The following DCP1B variants were observed in gnomAD, a reference collection of about 807,000 sequenced individuals.
DCP1B encodes the protein mRNA-decapping enzyme 1B.
In DCP1B, 47 loss-of-function variants were observed where a neutral mutation model predicts 60.5. The ratio of observed to expected loss-of-function variants is 0.78; its 90% CI spans 0.61 to 0.99. DCP1B has a LOEUF of 0.99. Among genes scored for constraint, DCP1B ranks in the 50% least tolerant of loss-of-function variants. The pLI is 0.00. For missense variants in DCP1B, 725 were observed against 756.8 expected, an observed-to-expected ratio of 0.96 and a Z score of 0.49; for synonymous variants, 267 against 280.3, an observed-to-expected ratio of 0.95 and a Z score of 0.47.
At chr12:1,950,290 C>G in intron 7 of DCP1B, 1 of 702,120 alleles carries the variant, frequency 1.4e-6, no homozygotes. Flanking sequence ...AGCAGTGATG[C>G]TCCCGGAGGT....
At chr12:1,983,136 TC>T (rs1290442772) in intron 3 of DCP1B, among the ~76,000 whole-genome samples, 8 of 152,100 alleles carry the variant, frequency 5.3e-5, no homozygotes, top group East Asian at 1.9e-4. Context: ...TTTTTTTTTT[TC>T]CTTCATCAGT....
At chr12:2,004,242 C>G in intron 1 of DCP1B, 40 bp downstream of exon 1, 2 of 1,610,604 alleles carry the variant, frequency 1.2e-6, no homozygotes, top group African/African-American at 1.3e-5. Flanking sequence ...CGCCTCCACC[C>G]CAACCCTGGG....
chr12:1,968,965 G>C (rs941998332), intron 3 of DCP1B, among the ~76,000 whole-genome samples: 1 of 152,084 alleles, frequency 6.6e-6, no homozygotes, highest in Non-Finnish European at 1.5e-5. Flanking sequence ...AGCTCCAGAA[G>C]ACATTTATAA....
intron 3 of DCP1B, among the ~76,000 whole-genome samples, chr12:1,972,058 A>C (rs1259423841): frequency 6.6e-6 from 1 of 152,226 alleles, no homozygotes; most frequent in Non-Finnish European, 1.5e-5. Flanking sequence ...ATATAACTTC[A>C]CTAATTCCTC....
chr12:1,987,785 T>C (rs980709509), intron 3 of DCP1B, among the ~76,000 whole-genome samples: 1 of 152,214 alleles, frequency 6.6e-6, no homozygotes, highest in Non-Finnish European at 1.5e-5. Context: ...TAACTATGTA[T>C]TATGATTTGC....
chr12:1,967,903 G>C lies in DCP1B; in HGVS notation c.327C>G (p.Ile109Met). 6.2e-7 allele frequency: 1 copy of C among 1,612,276 alleles called. No homozygotes were observed. The change falls in exon 4 of 9, where the codon ATC (isoleucine) becomes ATG (methionine). Residue 109 changes from isoleucine to methionine, a missense_variant. Ile to Met is a conservative substitution (Grantham distance 10). Coordinates refer to ENST00000280665, the MANE Select transcript of DCP1B (RefSeq NM_152640.5). Reference sequence around the variant, plus strand: ...CCTTATCATAAAACCAAATTCCATAGATGGACACTGCAAAAAACACACATC... The same window carrying C: ...CCTTATCATAAAACCAAATTCCATACATGGACACTGCAAAAAACACACATC... Reference protein sequence around the residue: ...FLLYRNARLSIYGIWFYDKEE... With the variant: ...FLLYRNARLSMYGIWFYDKEE...
At chr12:1,963,972 G>A (rs1389006511) in intron 5 of DCP1B, among the ~76,000 whole-genome samples, 1 of 151,912 alleles carries the variant, frequency 6.6e-6, no homozygotes, top group Admixed American at 6.6e-5. Context: ...TAAGGTTTTG[G>A]TTCCAACCAC....
chr12:1,957,436 G>A (rs940711933), intron 5 of DCP1B, among the ~76,000 whole-genome samples: 1 of 152,076 alleles, frequency 6.6e-6, no homozygotes, highest in Non-Finnish European at 1.5e-5. Flanking sequence ...TCAGTTTATA[G>A]GATTATTGGT....
At chr12:1,977,317 C>T (rs950573827) in intron 3 of DCP1B, among the ~76,000 whole-genome samples, 4 of 152,066 alleles carry the variant, frequency 2.6e-5, no homozygotes, top group Non-Finnish European at 5.9e-5. Flanking sequence ...GGTTTGCCTT[C>T]GTTGGAGAGG....
At chr12:1,991,982 C>CAA in intron 3 of DCP1B, 1 of 220,402 alleles carries the variant, frequency 4.5e-6, no homozygotes, top group Non-Finnish European at 9.8e-6. Flanking sequence ...CTAATAATCT[C>CAA]AAAAAAAACC....
At chr12:1,999,489 G>A (rs2041689786) in intron 1 of DCP1B, among the ~76,000 whole-genome samples, 1 of 152,158 alleles carries the variant, frequency 6.6e-6, no homozygotes, top group African/African-American at 2.4e-5. Flanking sequence ...AGGCAGGCAG[G>A]AGGATCGCTT....
intron 5 of DCP1B, 36 bp downstream of exon 5, chr12:1,965,522 A>G: frequency 6.3e-7 from 1 of 1,578,116 alleles, no homozygotes; most frequent in Middle Eastern, 1.7e-4. Flanking sequence ...GCGGAACTGA[A>G]GTGTGTATGT....
At chr12:1,990,078 G>A (rs1257140745) in intron 3 of DCP1B, among the ~76,000 whole-genome samples, 1 of 152,166 alleles carries the variant, frequency 6.6e-6, no homozygotes, top group Admixed American at 6.5e-5. Context: ...TGGGCCTTGG[G>A]TCTCGAAGTT....
chr12:1,998,080 C>A, intron 1 of DCP1B, 105 bp from the exon 2 acceptor site: 1 of 860,342 alleles, frequency 1.2e-6, no homozygotes, highest in Non-Finnish European at 1.8e-6. Flanking sequence ...CTTCAATGGG[C>A]CAAATATACC....
chr12:1,988,068 C>T (rs747295757), intron 3 of DCP1B, among the ~76,000 whole-genome samples: 20 of 152,186 alleles, frequency 1.3e-4, no homozygotes, highest in Non-Finnish European at 2.6e-4. Flanking sequence ...GGACTCTTCA[C>T]CTTTGCTCTG....
intron 5 of DCP1B, among the ~76,000 whole-genome samples, chr12:1,958,504 G>C (rs2030987241): frequency 6.9e-6 from 1 of 144,134 alleles, no homozygotes; most frequent in African/African-American, 2.6e-5. Context: ...GAAGAAGACA[G>C]GGGAAAAGCT....
In DCP1B at chr12:1,952,919, C is replaced by T. The variant is rs137914508; in HGVS notation, c.1021G>A (p.Gly341Arg). Residue 341 changes from glycine to arginine, a missense_variant, in exon 7 of 9, where the codon GGA becomes AGA. Transcript: ENST00000280665. Reference protein sequence around the residue: ...PVQPGSPHNIGTSRGVQNASR... With the variant: ...PVQPGSPHNIRTSRGVQNASR... ...GCATTTTGTACACCACGAGAAGTTCCAATGTTGTGAGGAGACCCTGGCTGG... is the reference window on the plus strand; with the variant it reads ...GCATTTTGTACACCACGAGAAGTTCTAATGTTGTGAGGAGACCCTGGCTGG... The T allele has an allele frequency of 3.7e-6, 6 of 1,614,004 alleles. No individual in the cohort carries two copies. Among genetic ancestry groups the T allele is most frequent in the African/African-American group, 1.3e-5 (1 of 74,886 alleles).
intron 3 of DCP1B, among the ~76,000 whole-genome samples, chr12:1,986,239 T>C (rs193207329): frequency 1.1e-3 from 163 of 152,328 alleles, no homozygotes; most frequent in African/African-American, 3.6e-3. Flanking sequence ...GTTACATGTA[T>C]GTAGCTCACA....
intron 1 of DCP1B, among the ~76,000 whole-genome samples, chr12:2,003,220 T>C (rs2042598066): frequency 6.6e-6 from 1 of 152,216 alleles, no homozygotes; most frequent in Non-Finnish European, 1.5e-5. Flanking sequence ...ATACTGCAGA[T>C]AAGTAGGCTT....
Sources: gnomAD v4.1 joint callset for allele counts (sites outside exome capture counted in the v4.1 genomes callset) on GRCh38, gnomAD v4.1.1 for gene constraint, MANE v1.5 for transcripts, NCBI Gene and HGNC (gene_info 2026-07-23, HGNC 2026-07-21) for gene names.